The following FLT3LG variants were observed in gnomAD, a reference collection of about 807,000 sequenced individuals.
The protein encoded by FLT3LG is fms-related tyrosine kinase 3 ligand.
FLT3LG carries 8 observed loss-of-function variants against 30.9 expected under a neutral mutation model. That is an observed-to-expected ratio of 0.26 (90% CI 0.15 to 0.47). The LOEUF (loss-of-function observed/expected upper bound fraction) is 0.47. Among genes scored for constraint, FLT3LG ranks in the 20% least tolerant of loss-of-function variants. The pLI, the probability that FLT3LG is intolerant of heterozygous loss-of-function variation, is 0.99. For missense variants in FLT3LG, 278 were observed against 306.2 expected (o/e 0.91, Z 0.69); for synonymous variants, 123 against 135.9 (o/e 0.91, Z 0.66).
chr19:49,485,813 C>G (rs987117809), intron 8 of FLT3LG, among the ~76,000 whole-genome samples: 1 of 152,158 alleles, frequency 6.6e-6, no homozygotes, highest in Non-Finnish European at 1.5e-5. Flanking sequence ...CCACCGCGCC[C>G]GGGGAAATAT....
chr19:49,480,668 G>A, intron 8 of FLT3LG, 48 bp downstream of exon 8: 2 of 1,552,320 alleles, frequency 1.3e-6, no homozygotes, highest in Non-Finnish European at 1.7e-6. Context: ...TCTGCAGGTT[G>A]GGAGGGTCAC....
At position 49,480,563 on chromosome 19, in the gene FLT3LG, C is replaced by T; in HGVS notation, c.672C>T (p.Val224=). Residue 224 remains valine (V), a synonymous_variant, in exon 8 of 9, where the codon GTC becomes GTT. Transcript: ENST00000597551. Reference sequence around the variant, plus strand: ...TTTGGGGCCCACAGGTGCCCCCCGTCCCCAGTCCCCAGGACCTGCTGCTTG... The same window carrying T: ...TTTGGGGCCCACAGGTGCCCCCCGTTCCCAGTCCCCAGGACCTGCTGCTTG... The part of the protein sequence containing the change: ...TPRPGEQVPP[V]PSPQDLLLVE... 5.6e-6 allele frequency: 9 copies of T among 1,613,224 alleles called. No homozygotes were observed. The highest frequency in any genetic ancestry group is 7.6e-6 in the Non-Finnish European group (9 of 1,179,684).
chr19:49,482,591 A>G (rs1398470156), intron 8 of FLT3LG, among the ~76,000 whole-genome samples: 1 of 151,212 alleles, frequency 6.6e-6, no homozygotes, highest in East Asian at 1.9e-4. Flanking sequence ...ACGGCATGTG[A>G]GCCACCTGTG....
At chr19:49,483,410 C>T (rs1280044801) in intron 8 of FLT3LG, among the ~76,000 whole-genome samples, 2 of 152,110 alleles carry the variant, frequency 1.3e-5, no homozygotes, top group Admixed American at 6.6e-5. Context: ...CCACCGCGCC[C>T]AGCCCAGACA....
rs1024971635 is a variant in FLT3LG, at chr19:49,476,266, G to A, written c.198+68G>A. 3.5e-5 allele frequency: 51 copies of A among 1,471,278 alleles called. 1 individual carries two copies. The highest frequency in any genetic ancestry group is 4.3e-5 in the Non-Finnish European group (45 of 1,056,582). The allele number at this position is 1,471,278 out of a possible 1,614,324, so 91.1% of individuals were successfully genotyped here. A position where few individuals can be genotyped will look rare whatever the true frequency, so the allele number is the denominator to read the frequency against. ...CAGACTCAAGATGCTCCACCGAGGCGAGTGGATAACCAGGCCCTCCCCTCC... is the reference window on the plus strand; with the variant it reads ...CAGACTCAAGATGCTCCACCGAGGCAAGTGGATAACCAGGCCCTCCCCTCC... On this transcript the variant is annotated intron_variant, in intron 4 of 8. Transcript: ENST00000597551. This position sits in a 1 kb window ranked among gnomAD's most constrained non-coding sequence, Gnocchi z 5.3.
intron 8 of FLT3LG, among the ~76,000 whole-genome samples, chr19:49,482,835 G>C (rs1337018677): frequency 6.6e-6 from 1 of 151,722 alleles, no homozygotes; most frequent in Non-Finnish European, 1.5e-5. Flanking sequence ...CACCATGTTG[G>C]TCAGGCTGGT....
intron 8 of FLT3LG, among the ~76,000 whole-genome samples, chr19:49,482,733 T>A (rs1601128442): frequency 6.6e-6 from 1 of 151,870 alleles, no homozygotes; most frequent in Admixed American, 6.6e-5. Flanking sequence ...GTTCAAGCGA[T>A]TCTCCTGCTT....
chr19:49,481,224 A>T (rs1421144085), intron 8 of FLT3LG: 1 of 153,472 alleles, frequency 6.5e-6, no homozygotes, highest in Non-Finnish European at 1.4e-5. Flanking sequence ...CTGGGGCCTG[A>T]CAGGCTTGAG....
chr19:49,483,045 T>C (rs770519522), intron 8 of FLT3LG, among the ~76,000 whole-genome samples: 1 of 152,232 alleles, frequency 6.6e-6, no homozygotes, highest in Non-Finnish European at 1.5e-5. Context: ...CATTAATCAG[T>C]TGGAATCATT....
intron 2 of FLT3LG, among the ~76,000 whole-genome samples, chr19:49,474,947 AG>A (rs1308243597): frequency 1.1e-5 from 1 of 93,244 alleles, no homozygotes; most frequent in African/African-American, 8.0e-5. Context: ...TGGACAGAGG[AG>A]GGGGAGATGG....
rs767218011 is a variant in FLT3LG at position 49,480,344 on chromosome 19, C to CACAGCCCCG, written c.538_546dup (p.Thr180_Pro182dup). On this transcript the variant is annotated inframe_insertion, in exon 7 of 9. Transcript: ENST00000597551. Reference sequence around the variant, plus strand: ...CATGGAGTCCCCGGCCCCTGGAGGCCACAGCCCCGACAGCCCCGCAGCCCC... The same window carrying CACAGCCCCG: ...CATGGAGTCCCCGGCCCCTGGAGGCCACAGCCCCGACAGCCCCGACAGCCCCGCAGCCCC... 6.2e-7 allele frequency: 1 copy of CACAGCCCCG among 1,610,306 alleles called. No homozygotes were observed. Among genetic ancestry groups the CACAGCCCCG allele is most frequent in the Non-Finnish European group, 8.5e-7 (1 of 1,178,458 alleles).
chr19:49,482,612 T>C (rs1367278158), intron 8 of FLT3LG, among the ~76,000 whole-genome samples: 1 of 151,154 alleles, frequency 6.6e-6, no homozygotes, highest in Non-Finnish European at 1.5e-5. Context: ...CGATTTTCAC[T>C]TTCCTGGTAG....
intron 2 of FLT3LG, 151 bp downstream of exon 2, chr19:49,474,823 G>C: frequency 1.2e-6 from 1 of 845,876 alleles, no homozygotes. Context: ...ATGGATAGGA[G>C]AGGAGACGGA....
At chr19:49,484,269 A>C (rs2079721021) in intron 8 of FLT3LG, among the ~76,000 whole-genome samples, 1 of 148,088 alleles carries the variant, frequency 6.8e-6, no homozygotes, top group Non-Finnish European at 1.5e-5. Context: ...TTCCTGTCTT[A>C]AATTTATTTT....
chr19:49,474,291 G>C lies in FLT3LG; in HGVS notation c.-38+10G>C, dbSNP rs2079298425. ...AACTGGGGCAAGCCTGGTGCGTGAG[G>C]AGACTTGGACTCTAGGTCCCCAAGG... On this transcript the variant is annotated intron_variant, in intron 1 of 8. Transcript: ENST00000597551. The C allele has an allele frequency of 4.4e-6, 2 of 454,230 alleles. No individual in the cohort carries two copies. The highest frequency in any genetic ancestry group is 5.4e-5 in the South Asian group (2 of 37,022). 28.1% of individuals were successfully genotyped at this position (454,230 alleles called of 1,614,324 possible).
Position 49,476,510 on chromosome 19 carries a change from G to A in FLT3LG, c.286G>A (p.Gly96Ser). ...GACTGTCGCTGGGTCCAAGATGCAA[G>A]GCTTGCTGGAGCGCGTGAACACGGA... is the stretch of plus-strand genomic sequence containing the variant. Reference protein sequence around the residue: ...LKTVAGSKMQGLLERVNTEIH... With the variant: ...LKTVAGSKMQSLLERVNTEIH... The change falls in exon 5 of 9, where the codon GGC becomes AGC. Residue 96 changes from glycine to serine, a missense_variant. By Grantham distance (56) the Gly-to-Ser change is moderately conservative (BLOSUM62 0). Coordinates refer to ENST00000597551, the MANE Select transcript of FLT3LG (RefSeq NM_001459.4). This position sits in a 1 kb window ranked among gnomAD's most constrained non-coding sequence, Gnocchi z 5.3. 12 of 1,614,170 alleles carry A rather than the reference G, an allele frequency of 7.4e-6. No individual in the cohort carries two copies. Among genetic ancestry groups the A allele is most frequent in the Non-Finnish European group, 1.0e-5 (12 of 1,180,036 alleles).
In FLT3LG at chr19:49,476,149, A is replaced by G; in HGVS notation, c.149A>G (p.Asp50Gly). ...DFAVKIRELSDYLLQDYPVTV... is the reference protein window; with the variant it reads ...DFAVKIRELSGYLLQDYPVTV... ...TGATCCTGTTTTCTCCCGCAGTCTG[A>G]CTACCTGCTTCAAGATTACCCAGTC... The change falls in exon 4 of 9, where the codon GAC becomes GGC. Residue 50 changes from aspartate (D) to glycine (G), a missense_variant. By Grantham distance (94) the Asp-to-Gly change is moderately conservative (BLOSUM62 -1). Coordinates refer to ENST00000597551, the MANE Select transcript of FLT3LG (RefSeq NM_001459.4). The surrounding 1 kb of genome is among the most constrained non-coding windows in gnomAD (Gnocchi z 5.3). 6.2e-7 allele frequency: 1 copy of G among 1,613,710 alleles called. No individual in the cohort carries two copies. Among genetic ancestry groups the G allele is most frequent in the Non-Finnish European group, 8.5e-7 (1 of 1,179,972 alleles).
In FLT3LG at chr19:49,475,723, G is replaced by A. The variant is rs375156546; in HGVS notation, c.66G>A (p.Ser22=). The change falls in exon 3 of 9, where the codon TCG becomes TCA. Residue 22 remains serine, a synonymous_variant. Transcript: ENST00000597551. ...TYLLLLLLLS[S]GLSGTQDCSF... Reference sequence around the variant, plus strand: ...TCCTCCTGCTGCTGCTGCTGAGCTCGGGACTCAGTGGGACCCAGGACTGCT... The same window carrying A: ...TCCTCCTGCTGCTGCTGCTGAGCTCAGGACTCAGTGGGACCCAGGACTGCT... 4.2e-5 allele frequency: 68 copies of A among 1,610,448 alleles called. No homozygotes were observed. The highest frequency in any genetic ancestry group is 5.1e-5 in the Non-Finnish European group (60 of 1,179,888).
chr19:49,480,451 G>A lies in FLT3LG; in HGVS notation c.635G>A (p.Arg212Gln), dbSNP rs375362082. ...TGCCTGCACTGGCAGAGGACGCGGC[G>A]GAGGACACCCCGCCCTGGGGAGCAG... is the stretch of plus-strand genomic sequence containing the variant. ...AWCLHWQRTR[R>Q]RTPRPGEQVP... Residue 212 changes from arginine to glutamine, a missense_variant, in exon 7 of 9, where the codon CGG becomes CAG. By Grantham distance (43) the Arg-to-Gln change is conservative. Around this residue, in one of 3 missense-constraint regions of FLT3LG, gnomAD observed 170 missense variants for 162.0 expected, o/e 1.05. Transcript: ENST00000597551. 5.7e-5 allele frequency: 91 copies of A among 1,591,660 alleles called. No individual in the cohort carries two copies. The Middle Eastern group carries it at 7.4e-4, about 13-fold the overall frequency.
Sources: allele counts gnomAD v4.1 joint callset (sites outside exome capture counted in the v4.1 genomes callset), GRCh38; gene constraint gnomAD v4.1.1; regional missense constraint gnomAD v4.1.1; non-coding constraint Gnocchi (gnomAD v3.1); transcripts MANE v1.5; gene names NCBI Gene and HGNC (gene_info 2026-07-23, HGNC 2026-07-21).